Variants in AGRN observed in about 807,000 individuals in gnomAD.
The protein encoded by AGRN is agrin, also known as agrin proteoglycan.
AGRN carries 106 observed loss-of-function variants against 211.0 expected under a neutral mutation model. The observed-to-expected ratio is 0.50, with a 90% CI of 0.43 to 0.59. The LOEUF (loss-of-function observed/expected upper bound fraction) is 0.59. Ranked by LOEUF, AGRN falls within the 20% of genes least tolerant of loss-of-function variation. The pLI is 0.00. For synonymous variants in AGRN, 1,525 were observed against 1,332.5 expected, an observed-to-expected ratio of 1.14 and a Z score of -3.15; for missense variants, 3,040 against 2,982.6, an observed-to-expected ratio of 1.02 and a Z score of -0.45.
chr1:1,047,721 C>A, intron 21 of AGRN, 34 bp downstream of exon 21: 2 of 1,612,680 alleles, frequency 1.2e-6, no homozygotes, highest in Non-Finnish European at 1.7e-6. Flanking sequence ...TCCTGGGAGG[C>A]AATGGGTGGG....
intron 2 of AGRN, among the ~76,000 whole-genome samples, chr1:1,025,552 A>G (rs1348490415): frequency 1.3e-5 from 2 of 148,886 alleles, no homozygotes; most frequent in Non-Finnish European, 3.0e-5. Flanking sequence ...TCCTGCCCCC[A>G]ACTCCTCCGC....
chr1:1,047,415 A>G lies in AGRN; in HGVS notation c.3477A>G (p.Ser1159=). 1 of 1,612,794 alleles carries G rather than the reference A, an allele frequency of 6.2e-7. No individual in the cohort carries two copies. Among genetic ancestry groups the G allele is most frequent in the Non-Finnish European group, 8.5e-7 (1 of 1,179,894 alleles). ...CGCCCGAGATGGCTGACCCCAAGTC[A>G]GAACTGTTCGGGGAGACAGCCAGGA... ...FYTPEMADPK[S]ELFGETARSI... Residue 1159 remains serine, a synonymous_variant, in exon 20 of 36, where the codon TCA becomes TCG. Transcript: ENST00000379370.
rs1255855277 is a variant in AGRN at position 1,046,747 on chromosome 1, T to G, written c.3250+12T>G. 1.9e-6 allele frequency: 3 copies of G among 1,576,742 alleles called. No homozygotes were observed. The highest frequency in any genetic ancestry group is 3.5e-5 in the Admixed American group (2 of 57,044). ...GGGTGGCTCTGGGGGTGAGCAGGGA[T>G]CAAGGACTTGGGGTGGGTGGGCAGG... is the stretch of plus-strand genomic sequence containing the variant. On this transcript the variant is annotated intron_variant, in intron 18 of 35. Coordinates refer to ENST00000379370, the MANE Select transcript of AGRN (RefSeq NM_198576.4).
rs1237715488 is a variant in AGRN, at chr1:1,049,121, AGG to A, written c.4298+68_4298+69del. The A allele has an allele frequency of 1.5e-5, 4 of 259,274 alleles. No individual in the cohort carries two copies. In the Admixed American group the frequency reaches 2.7e-4, roughly 17 times the overall value. The allele number at this position is 259,274 out of a possible 1,614,324, so 16.1% of individuals were successfully genotyped here. ...TGGGCGGGGAGGGGACGGGCGGGGG[AGG>A]GGGGGCCGGGGCAGCTCAGGTGGGT... On this transcript the variant is annotated intron_variant, in intron 24 of 35. Coordinates refer to ENST00000379370, the MANE Select transcript of AGRN (RefSeq NM_198576.4).
chr1:1,033,052 C>T (rs908046868), intron 2 of AGRN, among the ~76,000 whole-genome samples: 1 of 152,100 alleles, frequency 6.6e-6, no homozygotes, highest in African/African-American at 2.4e-5. Flanking sequence ...ACCCCCATTC[C>T]CCGCCCCGGG....
Position 1,049,240 on chromosome 1 carries a change from G to C in AGRN, c.4303G>C (p.Asp1435His), listed in dbSNP as rs1363881835. 1.9e-6 allele frequency: 3 copies of C among 1,582,456 alleles called. No individual in the cohort carries two copies. The highest frequency in any genetic ancestry group is 2.6e-6 in the Non-Finnish European group (3 of 1,170,352). Reference sequence around the variant, plus strand: ...AGCACCTGCTCCTGCCCTCAGGTTTGACACAGGTTCGGGGCCGGCGGTGCT... The same window carrying C: ...AGCACCTGCTCCTGCCCTCAGGTTTCACACAGGTTCGGGGCCGGCGGTGCT... The part of the protein sequence containing the change: ...LLDGRVQLRF[D>H]TGSGPAVLTS... The change falls in exon 25 of 36, where the codon GAC (aspartate) becomes CAC (histidine). Residue 1435 changes from aspartate to histidine, a missense_variant. Transcript: ENST00000379370.
Position 1,045,458 on chromosome 1 carries a change from ACC to A in AGRN, c.2472_2473del (p.Asp824GlufsTer3). The A allele has an allele frequency of 6.2e-7, 1 of 1,612,764 alleles. No individual in the cohort carries two copies. The highest frequency in any genetic ancestry group is 8.5e-7 in the Non-Finnish European group (1 of 1,179,940). On this transcript the variant is annotated frameshift_variant, in exon 14 of 36. Transcript: ENST00000379370. LOFTEE classifies it high-confidence loss of function. ...CCAGGTGTGGGGGGCCTCAGGTGTG[ACC>A]GCTGTGAGCCTGGCTTCTGGAACTT...
chr1:1,027,269 C>T (rs1644541623), intron 2 of AGRN, among the ~76,000 whole-genome samples: 1 of 152,208 alleles, frequency 6.6e-6, no homozygotes, highest in Non-Finnish European at 1.5e-5. Context: ...CATGTGTGTG[C>T]ACGTGCCTGC....
At chr1:1,052,930 A>G (rs13303307) in intron 33 of AGRN, 7,052 of 163,974 alleles carry the variant, frequency 0.043, 204 homozygotes, top group Middle Eastern at 0.07. Flanking sequence ...GCGTGTATAT[A>G]TGGGGGGATA....
At position 1,046,819 on chromosome 1, in the gene AGRN, G is replaced by A; in HGVS notation, c.3251-1G>A. The A allele has an allele frequency of 6.3e-7, 1 of 1,580,990 alleles. No homozygotes were observed. Among genetic ancestry groups the A allele is most frequent in the Non-Finnish European group, 8.6e-7 (1 of 1,167,722 alleles). On this transcript the variant is annotated splice_acceptor_variant, in intron 18 of 35. Coordinates refer to ENST00000379370, the MANE Select transcript of AGRN (RefSeq NM_198576.4). LOFTEE classifies it high-confidence loss of function. ...CCTGGGCTCAGAGCGCGTCTCCCCA[G>A]GGCTCGAGCCCTTGGAGGGCAGCAG...
chr1:1,040,281 T>C (rs1644895978), intron 3 of AGRN, among the ~76,000 whole-genome samples: 1 of 152,280 alleles, frequency 6.6e-6, no homozygotes, highest in Non-Finnish European at 1.5e-5. Flanking sequence ...CTGGACTGCT[T>C]GTGCCCGAGT....
At position 1,046,145 on chromosome 1, in the gene AGRN, T is replaced by C. The variant is rs2100657449; in HGVS notation, c.2806-15T>C. The C allele has an allele frequency of 1.2e-6, 2 of 1,613,884 alleles. No homozygotes were observed. Among genetic ancestry groups the C allele is most frequent in the Middle Eastern group, 1.6e-4 (1 of 6,062 alleles). ...GAGGAGGCCTCGCCTTGAACATCCT[T>C]GTTCTCTGCCCCAGGTCTGTGGGTC... On this transcript the variant is annotated splice_polypyrimidine_tract_variant and intron_variant, in intron 16 of 35. Coordinates refer to ENST00000379370, the MANE Select transcript of AGRN (RefSeq NM_198576.4).
intron 3 of AGRN, among the ~76,000 whole-genome samples, chr1:1,039,415 G>GGC (rs1214956211): frequency 2.0e-5 from 3 of 151,712 alleles, no homozygotes; most frequent in Admixed American, 6.6e-5. Context: ...TGGAGATGGG[G>GGC]GGGGTTCCTC....
chr1:1,045,914 G>A (rs1487947127), intron 15 of AGRN, 38 bp downstream of exon 15: 1 of 1,610,724 alleles, frequency 6.2e-7, no homozygotes, highest in Non-Finnish European at 8.5e-7. Flanking sequence ...GCTTCATGGG[G>A]TGGGGTGGGG....
At position 1,048,553 on chromosome 1, in the gene AGRN, C is replaced by T. The variant is rs1645169543; in HGVS notation, c.4105+188C>T. The T allele has an allele frequency of 3.3e-6, 2 of 609,352 alleles. No individual in the cohort carries two copies. Among genetic ancestry groups the T allele is most frequent in the Non-Finnish European group, 5.6e-6 (2 of 359,870 alleles). The allele number at this position is 609,352 out of a possible 1,614,324, so 37.7% of individuals were successfully genotyped here. A position where few individuals can be genotyped will look rare whatever the true frequency, so the allele number is the denominator to read the frequency against. On this transcript the variant is annotated intron_variant, in intron 23 of 35. Coordinates refer to ENST00000379370, the MANE Select transcript of AGRN (RefSeq NM_198576.4). This position sits in a 1 kb window ranked among gnomAD's most constrained non-coding sequence, Gnocchi z 5.9. ...TGGGAGGCCGAGGCAGGCGGATCAC[C>T]TGAGGTCGGGAGTTCGAGACCAGCC...
chr1:1,035,183 TG>T, intron 2 of AGRN, 93 bp from the exon 3 acceptor site: 1 of 703,184 alleles, frequency 1.4e-6, no homozygotes, highest in African/African-American at 4.9e-5. Flanking sequence ...GGGGGGGGGG[TG>T]GGCAGGGGTG....
At chr1:1,051,838 C>T in intron 33 of AGRN, 23 bp downstream of exon 33, 1 of 1,613,120 alleles carries the variant, frequency 6.2e-7, no homozygotes, top group Non-Finnish European at 8.5e-7. Flanking sequence ...CCTCTGCTGG[C>T]TGTCGGTTCC....
In AGRN at chr1:1,049,625, TCAA is replaced by T; in HGVS notation, c.4579_4581del (p.Asn1527del). On this transcript the variant is annotated inframe_deletion, in exon 26 of 36. Transcript: ENST00000379370. ...AGGGGGTGCATCCGTTTGCTGGACG[TCAA>T]CAACCAGCGCCTGGAGCTTGGCATT... 1 of 1,590,860 alleles carries T rather than the reference TCAA, an allele frequency of 6.3e-7. No homozygotes were observed. The highest frequency in any genetic ancestry group is 1.1e-5 in the South Asian group (1 of 88,014).
chr1:1,049,753 G>A lies in AGRN; in HGVS notation c.4702G>A (p.Glu1568Lys), dbSNP rs1645219998. ...TGGCGGGGCCCCATGCCAGAACCTGGAGGCTGGAAGGTTCCATTGCCAGTG... is the reference window on the plus strand; with the variant it reads ...TGGCGGGGCCCCATGCCAGAACCTGAAGGCTGGAAGGTTCCATTGCCAGTG... ...CHGGAPCQNL[E>K]AGRFHCQCPP... The change falls in exon 26 of 36, where the codon GAG becomes AAG. Residue 1568 changes from glutamate (E) to lysine (K), a missense_variant. This residue lies in a region of AGRN where 1,537 missense variants were observed against 1,505.0 expected (regional missense o/e 1.02). Coordinates refer to ENST00000379370, the MANE Select transcript of AGRN (RefSeq NM_198576.4). 2 of 1,580,922 alleles carry A rather than the reference G, an allele frequency of 1.3e-6. No homozygotes were observed. Among genetic ancestry groups the A allele is most frequent in the East Asian group, 2.3e-5 (1 of 43,202 alleles).
Sources: allele counts gnomAD v4.1 joint callset (sites outside exome capture counted in the v4.1 genomes callset), GRCh38; gene constraint gnomAD v4.1.1; regional missense constraint gnomAD v4.1.1; non-coding constraint Gnocchi (gnomAD v3.1); transcripts MANE v1.5; gene names NCBI Gene and HGNC (gene_info 2026-07-23, HGNC 2026-07-21).